Variants in RAB3GAP1 observed in about 807,000 individuals in gnomAD.
The protein encoded by RAB3GAP1 is rab3 GTPase-activating protein catalytic subunit.
RAB3GAP1 carries 86 observed loss-of-function variants against 130.7 expected under a neutral mutation model. The ratio of observed to expected loss-of-function variants is 0.66; its 90% CI spans 0.55 to 0.79. RAB3GAP1 has a LOEUF of 0.79. Ranked by LOEUF, RAB3GAP1 falls within the 30% of genes least tolerant of loss-of-function variation. The pLI is 0.00. For missense variants in RAB3GAP1, 1,029 were observed against 1,169.4 expected (o/e 0.88, Z 1.75); for synonymous variants, 367 against 401.7 (o/e 0.91, Z 1.03).
intron 23 of RAB3GAP1, among the ~76,000 whole-genome samples, chr2:135,165,803 C>T (rs1324522889): frequency 6.6e-6 from 1 of 152,212 alleles, no homozygotes; most frequent in Non-Finnish European, 1.5e-5. Context: ...TACCCAGAAG[C>T]TTACAAGCGC....
Position 135,153,403 on chromosome 2 carries a change from C to T in RAB3GAP1, c.2062-246C>T, listed in dbSNP as rs1255678318. Among the ~76,000 whole-genome samples, 10 of 151,874 alleles carry T rather than the reference C, an allele frequency of 6.6e-5. No individual in the cohort carries two copies. In the Middle Eastern group the frequency reaches 0.014, roughly 207 times the overall value. On this transcript the variant is annotated intron_variant, in intron 18 of 23. Transcript: ENST00000264158. ...TTAAGAAATGATTTTCTCTTTACAT[C>T]GAGTTTTTATATCCAAATTCATTAA...
intron 17 of RAB3GAP1, among the ~76,000 whole-genome samples, chr2:135,142,708 C>T (rs894880181): frequency 1.3e-5 from 2 of 151,312 alleles, no homozygotes; most frequent in African/African-American, 4.8e-5. Flanking sequence ...TTTTTTTAAT[C>T]ATGAACAGGT....
At chr2:135,117,571 C>A in intron 7 of RAB3GAP1, among the ~76,000 whole-genome samples, 1 of 77,730 alleles carries the variant, frequency 1.3e-5, no homozygotes, top group Non-Finnish European at 2.8e-5. Context: ...TCTTCTTCTG[C>A]TTCTTCTTCT....
At chr2:135,054,227 G>GA (rs1411821850) in intron 2 of RAB3GAP1, among the ~76,000 whole-genome samples, 1 of 152,198 alleles carries the variant, frequency 6.6e-6, no homozygotes, top group Non-Finnish European at 1.5e-5. Flanking sequence ...AGGTGGGACT[G>GA]AAAATTTTGC....
intron 3 of RAB3GAP1, among the ~76,000 whole-genome samples, chr2:135,088,490 A>G (rs565212660): frequency 6.6e-6 from 1 of 151,918 alleles, no homozygotes; most frequent in East Asian, 1.9e-4. Context: ...GGAGTTCAAG[A>G]CCAGCCTGGC....
chr2:135,174,143 T>C (rs1692938907), downstream of RAB3GAP1, among the ~76,000 whole-genome samples: 1 of 152,248 alleles, frequency 6.6e-6, no homozygotes, highest in Admixed American at 6.5e-5. Flanking sequence ...TGGTCATGGA[T>C]AGATCCCTCC....
Position 135,135,879 on chromosome 2 carries a change from G to A in RAB3GAP1, c.1870G>A (p.Gly624Arg). The A allele has an allele frequency of 6.2e-7, 1 of 1,614,038 alleles. No homozygotes were observed. The highest frequency in any genetic ancestry group is 8.5e-7 in the Non-Finnish European group (1 of 1,179,868). Residue 624 changes from glycine to arginine, a missense_variant, in exon 17 of 24, where the codon GGG becomes AGG. Gly to Arg is a moderately radical substitution (Grantham distance 125). Transcript: ENST00000264158. ...LRPEGRLYQH[G>R]KLTLLHNGEP... is the part of the protein sequence containing the mutation. ...GCCGGAAGGACGGCTCTATCAGCATGGGAAACTTACACTGCTGCATAATGG... is the reference window on the plus strand; with the variant it reads ...GCCGGAAGGACGGCTCTATCAGCATAGGAAACTTACACTGCTGCATAATGG...
At chr2:135,054,865 A>G (rs1688968233) in intron 2 of RAB3GAP1, among the ~76,000 whole-genome samples, 1 of 152,254 alleles carries the variant, frequency 6.6e-6, no homozygotes. Flanking sequence ...CATGAGAGAA[A>G]ATGTTAAGAC....
chr2:135,095,045 C>T (rs1450655065), intron 5 of RAB3GAP1, among the ~76,000 whole-genome samples: 1 of 152,106 alleles, frequency 6.6e-6, no homozygotes, highest in African/African-American at 2.4e-5. Flanking sequence ...GATTTCCTTT[C>T]TGCAAGCAGG....
intron 3 of RAB3GAP1, among the ~76,000 whole-genome samples, chr2:135,070,088 T>C (rs1008897525): frequency 6.6e-6 from 1 of 152,224 alleles, no homozygotes; most frequent in African/African-American, 2.4e-5. Context: ...AGTTCAACAA[T>C]GTATAGCCAA....
intron 5 of RAB3GAP1, among the ~76,000 whole-genome samples, chr2:135,110,767 C>T (rs1383969431): frequency 6.6e-6 from 1 of 152,096 alleles, no homozygotes; most frequent in African/African-American, 2.4e-5. Flanking sequence ...AAATAAAGTA[C>T]TGATCAATAG....
intron 17 of RAB3GAP1, among the ~76,000 whole-genome samples, chr2:135,141,664 C>G (rs765471844): frequency 6.6e-6 from 1 of 152,076 alleles, no homozygotes; most frequent in Non-Finnish European, 1.5e-5. Flanking sequence ...AAGATATTTT[C>G]TTTTCTTTTG....
intron 19 of RAB3GAP1, among the ~76,000 whole-genome samples, chr2:135,162,086 GA>G (rs1047295888): frequency 6.6e-6 from 1 of 151,480 alleles, no homozygotes; most frequent in African/African-American, 2.4e-5. Context: ...ATAAGAATTG[GA>G]AAAAAAATAA....
In RAB3GAP1 at chr2:135,169,181, T is replaced by G. The variant is rs1472739841; in HGVS notation, c.*400T>G. ...CGTGGTTCTATATATCAGCAGCAAG[T>G]GTGCAAAATAAAGGACCTGTTAACT... is the stretch of plus-strand genomic sequence containing the variant. On this transcript the variant is annotated 3_prime_UTR_variant, in exon 24 of 24. Transcript: ENST00000264158. The G allele has an allele frequency of 3.6e-6, 1 of 277,554 alleles. No individual in the cohort carries two copies. Among genetic ancestry groups the G allele is most frequent in the South Asian group, 4.2e-5 (1 of 24,038 alleles). 17.2% of individuals were successfully genotyped at this position (277,554 alleles called of 1,614,324 possible). A position where few individuals can be genotyped will look rare whatever the true frequency, so the allele number is the denominator to read the frequency against.
intron 6 of RAB3GAP1, among the ~76,000 whole-genome samples, chr2:135,113,701 T>G (rs1475901142): frequency 6.6e-6 from 1 of 152,174 alleles, no homozygotes; most frequent in Non-Finnish European, 1.5e-5. Flanking sequence ...CCACTGGTTC[T>G]GAAGACTATG....
rs143503109 is a variant in RAB3GAP1, at chr2:135,077,340, T to C, written c.151-13658T>C. Among the ~76,000 whole-genome samples the C allele has an allele frequency of 3.0e-3, 458 of 152,176 alleles. 2 individuals carry two copies. Among genetic ancestry groups the C allele is most frequent in the African/African-American group, 0.01 (433 of 41,534 alleles). Reference sequence around the variant, plus strand: ...GTCATCTGTTGCTTCTATAGACTATTGCGAATAATGCTACTGTGAACATGT... The same window carrying C: ...GTCATCTGTTGCTTCTATAGACTATCGCGAATAATGCTACTGTGAACATGT... On this transcript the variant is annotated intron_variant, in intron 3 of 23. Coordinates refer to ENST00000264158, the MANE Select transcript of RAB3GAP1 (RefSeq NM_012233.3).
chr2:135,091,771 C>T (rs1309308808), intron 4 of RAB3GAP1, among the ~76,000 whole-genome samples: 1 of 152,112 alleles, frequency 6.6e-6, no homozygotes, highest in African/African-American at 2.4e-5. Flanking sequence ...ATGCCAGGTA[C>T]TCAATAAATG....
At position 135,133,887 on chromosome 2, in the gene RAB3GAP1, AC is replaced by A; in HGVS notation, c.1355del (p.Pro452HisfsTer5). 1 of 1,613,860 alleles carries A rather than the reference AC, an allele frequency of 6.2e-7. No homozygotes were observed. On this transcript the variant is annotated frameshift_variant, in exon 15 of 24. Coordinates refer to ENST00000264158, the MANE Select transcript of RAB3GAP1 (RefSeq NM_012233.3). LOFTEE classifies it high-confidence loss of function. ...ATCTCTACAATCAGTTCAAGTCTGCACCATCTGACAGTTTAACATACAAACT... is the reference window on the plus strand; with the variant it reads ...ATCTCTACAATCAGTTCAAGTCTGCACATCTGACAGTTTAACATACAAACT... ...YNLYNQFKSA[P>X]SDSLTYKLAL...
intron 7 of RAB3GAP1, among the ~76,000 whole-genome samples, chr2:135,120,457 T>G (rs1691161967): frequency 6.6e-6 from 1 of 152,218 alleles, no homozygotes; most frequent in South Asian, 2.1e-4. Context: ...ACTTTTCCAT[T>G]TTTTAAAATT....
Sources: gnomAD v4.1 joint callset for allele counts (sites outside exome capture counted in the v4.1 genomes callset) on GRCh38, gnomAD v4.1.1 for gene constraint, MANE v1.5 for transcripts, NCBI Gene and HGNC (gene_info 2026-07-23, HGNC 2026-07-21) for gene names.